Variants in C1QTNF3 observed in about 807,000 individuals in gnomAD.
The protein encoded by C1QTNF3 is C1q and TNF related 3.
C1QTNF3 carries 26 observed loss-of-function variants against 32.6 expected under a neutral mutation model. The observed-to-expected ratio is 0.80, with a 90% CI of 0.58 to 1.11. C1QTNF3 has a LOEUF of 1.11. Among genes scored for constraint, C1QTNF3 ranks in the 50% least tolerant of loss-of-function variants. The pLI, the probability that C1QTNF3 is intolerant of heterozygous loss-of-function variation, is 0.00. For synonymous variants in C1QTNF3, 155 were observed against 146.0 expected (o/e 1.06, Z -0.44); for missense variants, 362 against 398.2 (o/e 0.91, Z 0.77).
the C1QTNF3 span, among the ~76,000 whole-genome samples, chr5:34,135,620 A>C: frequency 6.6e-6 from 1 of 151,544 alleles, no homozygotes; most frequent in Admixed American, 6.6e-5. Context: ...ACTACTTTAA[A>C]GTTCATATGA....
At chr5:34,197,099 T>C in the C1QTNF3 span, among the ~76,000 whole-genome samples, 4 of 152,304 alleles carry the variant, frequency 2.6e-5, no homozygotes, top group East Asian at 3.8e-4. Flanking sequence ...CCTCATAATA[T>C]AGATGAAAAA....
the C1QTNF3 span, among the ~76,000 whole-genome samples, chr5:34,103,278 G>A: frequency 5.3e-5 from 8 of 151,808 alleles, no homozygotes; most frequent in Non-Finnish European, 1.0e-4. Context: ...AATTATTTGT[G>A]TGTGTTTTTT....
the C1QTNF3 span, among the ~76,000 whole-genome samples, chr5:34,180,494 G>C: frequency 6.6e-4 from 97 of 146,422 alleles, no homozygotes; most frequent in Middle Eastern, 3.8e-3. Context: ...TCCAGCCTGG[G>C]CAACACAGTG....
intron 4 of C1QTNF3, among the ~76,000 whole-genome samples, chr5:34,028,034 G>A (rs1415505210): frequency 1.3e-5 from 2 of 151,968 alleles, no homozygotes; most frequent in Non-Finnish European, 2.9e-5. Flanking sequence ...GTGCAGTCGC[G>A]CGATCTCCGC....
chr5:34,123,293 G>A, the C1QTNF3 span, among the ~76,000 whole-genome samples: 1 of 152,282 alleles, frequency 6.6e-6, no homozygotes, highest in Admixed American at 6.5e-5. Flanking sequence ...GATATATTTT[G>A]CCCTGTTGGT....
the C1QTNF3 span, among the ~76,000 whole-genome samples, chr5:34,147,981 G>C: frequency 2.0e-5 from 3 of 152,128 alleles, no homozygotes; most frequent in Non-Finnish European, 2.9e-5. Flanking sequence ...GACAGTGGGC[G>C]CAGGCCAGTG....
chr5:34,169,733 G>C, the C1QTNF3 span, among the ~76,000 whole-genome samples: 1 of 152,022 alleles, frequency 6.6e-6, no homozygotes, highest in African/African-American at 2.4e-5. Context: ...ATATCAAAAT[G>C]ATATTACCTC....
chr5:34,041,192 A>G (rs978881945), intron 1 of C1QTNF3, among the ~76,000 whole-genome samples: 1 of 152,158 alleles, frequency 6.6e-6, no homozygotes, highest in Non-Finnish European at 1.5e-5. Flanking sequence ...ACAATCCTAA[A>G]TGCAAACTGT....
chr5:34,124,311 G>A, the C1QTNF3 span: 4 of 567,316 alleles, frequency 7.1e-6, no homozygotes, highest in African/African-American at 5.8e-5. Context: ...GATGTATTAG[G>A]CTGTTGTTGC....
the C1QTNF3 span, among the ~76,000 whole-genome samples, chr5:34,112,903 T>C: frequency 6.6e-6 from 1 of 152,036 alleles, no homozygotes; most frequent in East Asian, 2.0e-4. Context: ...GCATAACACA[T>C]GGTGACAGAG....
the C1QTNF3 span, among the ~76,000 whole-genome samples, chr5:34,156,362 C>T: frequency 5.3e-5 from 8 of 152,316 alleles, no homozygotes; most frequent in South Asian, 6.2e-4. Context: ...TGAGCCACTA[C>T]GCCCGGCTTC....
the C1QTNF3 span, among the ~76,000 whole-genome samples, chr5:34,224,320 C>A: frequency 6.6e-6 from 1 of 152,244 alleles, no homozygotes; most frequent in Non-Finnish European, 1.5e-5. Flanking sequence ...TCATATGGAA[C>A]CAAAAAAGAG....
chr5:34,056,903 A>C, the C1QTNF3 span, among the ~76,000 whole-genome samples: 2 of 152,164 alleles, frequency 1.3e-5, no homozygotes, highest in Admixed American at 6.5e-5. Context: ...CAAGAAAAAA[A>C]CCGCAATTTT....
chr5:34,028,774 C>G lies in C1QTNF3; in HGVS notation c.680G>C (p.Arg227Thr). Reference sequence around the variant, plus strand: ...CTCACCTGATACTGGGGCCCCAAATCTACCAGTCATGACATCAAAGAAGTT... The same window carrying G: ...CTCACCTGATACTGGGGCCCCAAATGTACCAGTCATGACATCAAAGAAGTT... Reference protein sequence around the residue: ...IGNFFDVMTGRFGAPVSGVYF... With the variant: ...IGNFFDVMTGTFGAPVSGVYF... Residue 227 changes from arginine (R) to threonine (T), a missense_variant, in exon 4 of 6, where the codon AGA (arginine) becomes ACA (threonine). Coordinates refer to ENST00000382065, the MANE Select transcript of C1QTNF3 (RefSeq NM_181435.6). The G allele has an allele frequency of 6.2e-7, 1 of 1,608,940 alleles. No individual in the cohort carries two copies. The highest frequency in any genetic ancestry group is 1.3e-5 in the African/African-American group (1 of 74,792).
At chr5:34,106,977 T>C in the C1QTNF3 span, among the ~76,000 whole-genome samples, 3 of 102,402 alleles carry the variant, frequency 2.9e-5, no homozygotes, top group Non-Finnish European at 5.8e-5. Flanking sequence ...TTATTATAAA[T>C]AGTTTCATCT....
the C1QTNF3 span, among the ~76,000 whole-genome samples, chr5:34,056,469 TATATATATATAGAG>T: frequency 2.7e-5 from 3 of 109,318 alleles, no homozygotes; most frequent in Non-Finnish European, 5.4e-5. Flanking sequence ...TATATATATA[TATATATATATAGAG>T]AGAGAGAGAG....
the C1QTNF3 span, among the ~76,000 whole-genome samples, chr5:34,222,777 T>C: frequency 6.6e-6 from 1 of 152,036 alleles, no homozygotes; most frequent in African/African-American, 2.4e-5. Flanking sequence ...TTCAATTTCA[T>C]ATATTTTCTC....
chr5:34,213,905 AG>A, the C1QTNF3 span, among the ~76,000 whole-genome samples: 1 of 141,582 alleles, frequency 7.1e-6, no homozygotes, highest in African/African-American at 2.6e-5. Context: ...TCCGCTTCCA[AG>A]GTTCAAGCAA....
chr5:34,116,852 C>T, the C1QTNF3 span, among the ~76,000 whole-genome samples: 1 of 152,226 alleles, frequency 6.6e-6, no homozygotes, highest in Admixed American at 6.5e-5. Flanking sequence ...GCCTTCACCT[C>T]CCAAAGTTCT....
Sources: allele counts gnomAD v4.1 joint callset (sites outside exome capture counted in the v4.1 genomes callset), GRCh38; gene constraint gnomAD v4.1.1; transcripts MANE v1.5; gene names NCBI Gene and HGNC (gene_info 2026-07-23, HGNC 2026-07-21).